The following ZNF366 variants were observed in gnomAD, a reference collection of about 807,000 sequenced individuals.
ZNF366 encodes the protein dendritic cell-specific transcript protein.
ZNF366 carries 20 observed loss-of-function variants against 47.2 expected under a neutral mutation model. That is an observed-to-expected ratio of 0.42 (90% CI 0.30 to 0.62). The LOEUF is 0.62. ZNF366 is among the 20% of genes least tolerant of loss of function. The pLI is 0.16. For missense variants in ZNF366, 987 were observed against 976.3 expected (o/e 1.01, Z -0.15); for synonymous variants, 421 against 395.1 (o/e 1.07, Z -0.78).
In ZNF366 at chr5:72,462,549, T is replaced by TTCTTTCTTTCTTTC. The variant is rs1172924038; in HGVS notation, c.-14-1040_-14-1039insGAAAGAAAGAAAGA. On this transcript the variant is annotated intron_variant, in intron 1 of 4. Coordinates refer to ENST00000318442, the MANE Select transcript of ZNF366 (RefSeq NM_152625.3). ...TTTCTTTCTTTCTTTCTTTCTTTCT[T>TTCTTTCTTTCTTTC]TTTTTTTTTTTTTGGAGATGGAGTC... Among the ~76,000 whole-genome samples, 173 of 138,894 alleles carry TTCTTTCTTTCTTTC rather than the reference T, an allele frequency of 1.2e-3. 2 individuals are homozygous for TTCTTTCTTTCTTTC. Among genetic ancestry groups the TTCTTTCTTTCTTTC allele is most frequent in the African/African-American group, 4.6e-3 (164 of 35,998 alleles). The allele number at this position is 138,894 out of a possible 152,430, so 91.1% of individuals were successfully genotyped here. A position where few individuals can be genotyped will look rare whatever the true frequency, so the allele number is the denominator to read the frequency against.
intron 1 of ZNF366, among the ~76,000 whole-genome samples, chr5:72,470,572 AT>A (rs1486617574): frequency 6.6e-6 from 1 of 152,128 alleles, no homozygotes; most frequent in Non-Finnish European, 1.5e-5. Context: ...TATTTCTAAC[AT>A]AGTTTGGTTA....
chr5:72,455,155 G>A (rs943881608), intron 3 of ZNF366, among the ~76,000 whole-genome samples: 2 of 152,188 alleles, frequency 1.3e-5, no homozygotes, highest in African/African-American at 4.8e-5. Flanking sequence ...TGGGTGGCAG[G>A]AAAAGGGCTG....
intron 1 of ZNF366, among the ~76,000 whole-genome samples, chr5:72,472,861 T>G (rs1418381320): frequency 6.6e-6 from 1 of 152,150 alleles, no homozygotes; most frequent in Non-Finnish European, 1.5e-5. Flanking sequence ...GTCCTATTTG[T>G]ACCACTGTAG....
chr5:72,471,602 G>C (rs1363210120), intron 1 of ZNF366, among the ~76,000 whole-genome samples: 1 of 152,200 alleles, frequency 6.6e-6, no homozygotes, highest in African/African-American at 2.4e-5. Flanking sequence ...ATGGGTGGGT[G>C]CCTCTGCAGC....
intron 1 of ZNF366, among the ~76,000 whole-genome samples, chr5:72,500,730 CA>C (rs1214529533): frequency 6.6e-6 from 1 of 152,158 alleles, no homozygotes. Flanking sequence ...TGCAACAGTC[CA>C]AAACCATAAG....
At chr5:72,489,047 C>T (rs1414084769) in intron 1 of ZNF366, among the ~76,000 whole-genome samples, 1 of 152,132 alleles carries the variant, frequency 6.6e-6, no homozygotes, top group African/African-American at 2.4e-5. Context: ...GCACAAATGA[C>T]ATGTGTCATT....
chr5:72,465,141 T>C (rs2112332270), intron 1 of ZNF366, among the ~76,000 whole-genome samples: 1 of 152,306 alleles, frequency 6.6e-6, no homozygotes, highest in African/African-American at 2.4e-5. Context: ...CCTTTCTGAA[T>C]ACAGATGTTT....
Position 72,460,418 on chromosome 5 carries a change from G to A in ZNF366, c.1079C>T (p.Ala360Val). ...CACACAGATGTTCTCGCGCCCACTG[G>A]CGTGCTTGGCTTCGTGGGCCTTGAG... Reference protein sequence around the residue: ...SELKAHEAKHASGRENICVEC... With the variant: ...SELKAHEAKHVSGRENICVEC... The change falls in exon 2 of 5, where the codon GCC (alanine) becomes GTC (valine). Residue 360 changes from alanine to valine, a missense_variant. Physicochemically the swap from Ala to Val is moderately conservative, Grantham distance 64. This residue lies in a region of ZNF366 where 591 missense variants were observed against 560.9 expected (regional missense o/e 1.05). Transcript: ENST00000318442. The A allele has an allele frequency of 5.0e-6, 8 of 1,614,216 alleles. No individual in the cohort carries two copies. Among genetic ancestry groups the A allele is most frequent in the East Asian group, 2.2e-5 (1 of 44,876 alleles).
chr5:72,492,091 A>G (rs1015674780), intron 1 of ZNF366, among the ~76,000 whole-genome samples: 2 of 152,232 alleles, frequency 1.3e-5, no homozygotes, highest in African/African-American at 4.8e-5. Flanking sequence ...TATGTTAATA[A>G]GGAAGTGTGT....
rs1742979766 is a variant in ZNF366, at chr5:72,447,349, T to C, written c.1593A>G (p.Lys531=). ...TTGGGCAATAGAGGCACTTGAAGGG[T>C]TTGCTGTCTGAGTGCAGGTGCATGT... ...MGHMHLHSDS[K]PFKCLYCPSK... The change falls in exon 4 of 5, where the codon AAA becomes AAG. Residue 531 remains lysine (K), a synonymous_variant. Transcript: ENST00000318442. 6.2e-7 allele frequency: 1 copy of C among 1,614,144 alleles called. No individual in the cohort carries two copies. Among genetic ancestry groups the C allele is most frequent in the Non-Finnish European group, 8.5e-7 (1 of 1,180,036 alleles).
chr5:72,499,374 C>T (rs1431189951), intron 1 of ZNF366, among the ~76,000 whole-genome samples: 1 of 152,094 alleles, frequency 6.6e-6, no homozygotes, highest in African/African-American at 2.4e-5. Flanking sequence ...CTCTGAAAAG[C>T]CAGGTAGGAG....
intron 1 of ZNF366, among the ~76,000 whole-genome samples, chr5:72,467,368 A>G (rs1302091426): frequency 6.6e-6 from 1 of 152,208 alleles, no homozygotes; most frequent in Admixed American, 6.5e-5. Flanking sequence ...AATGAATTTT[A>G]AAACCAAAAC....
chr5:72,479,745 C>A (rs1743754008), intron 1 of ZNF366, among the ~76,000 whole-genome samples: 1 of 152,194 alleles, frequency 6.6e-6, no homozygotes, highest in Non-Finnish European at 1.5e-5. Flanking sequence ...TACACAGGAT[C>A]ATATCTGGCT....
At chr5:72,507,212 C>A in intron 1 of ZNF366, 39 bp downstream of exon 1, 8 of 985,508 alleles carry the variant, frequency 8.1e-6, no homozygotes, top group Non-Finnish European at 9.6e-6. Context: ...ACCCAGGAAC[C>A]TTGAAAAGGA....
At position 72,460,947 on chromosome 5, in the gene ZNF366, G is replaced by A. The variant is rs780928069; in HGVS notation, c.550C>T (p.Leu184Phe). Reference protein sequence around the residue: ...YPYYPKVHPGLMFPFFVPSSS... With the variant: ...YPYYPKVHPGFMFPFFVPSSS... ...GAGGGCACGAAGAAGGGGAACATGA[G>A]GCCCGGGTGGACTTTGGGGTAGTAG... The change falls in exon 2 of 5, where the codon CTC (leucine) becomes TTC (phenylalanine). Residue 184 changes from leucine to phenylalanine, a missense_variant. By Grantham distance (22) the Leu-to-Phe change is conservative. Transcript: ENST00000318442. The A allele has an allele frequency of 1.4e-5, 23 of 1,612,110 alleles. 1 individual carries two copies. Among genetic ancestry groups the A allele is most frequent in the South Asian group, 7.7e-5 (7 of 91,024 alleles).
In ZNF366 at chr5:72,439,959, T is replaced by C. The variant is rs1561185690; in HGVS notation, c.*3797A>G. ...ACAAAATATAGGTTACATGCTCTTT[T>C]CAGGTAAACTGCTTTTTCAGTGAAG... is the stretch of plus-strand genomic sequence containing the variant. On this transcript the variant is annotated 3_prime_UTR_variant, in exon 5 of 5. Transcript: ENST00000318442. 1.3e-5 allele frequency: 2 copies of C among 152,264 alleles called. No individual in the cohort carries two copies. Among genetic ancestry groups the C allele is most frequent in the Non-Finnish European group, 2.9e-5 (2 of 68,048 alleles). The allele number at this position is 152,264 out of a possible 1,614,324, so 9.4% of individuals were successfully genotyped here. A position where few individuals can be genotyped will look rare whatever the true frequency, so the allele number is the denominator to read the frequency against.
Position 72,443,765 on chromosome 5 carries a change from T to G in ZNF366, c.2226A>C (p.Leu742Phe), listed in dbSNP as rs1023334731. The change falls in exon 5 of 5, where the codon TTA becomes TTC. Residue 742 changes from leucine (L) to phenylalanine (F), a missense_variant. By Grantham distance (22) the Leu-to-Phe change is conservative (BLOSUM62 0). Around this residue, in one of 3 missense-constraint regions of ZNF366, gnomAD observed 285 missense variants for 234.8 expected, o/e 1.21. Transcript: ENST00000318442. Reference sequence around the variant, plus strand: ...TTTTAAAACTGTCCACTTAGATACCTAAAAGCACTGCTTGTTTTTCCATTT... The same window carrying G: ...TTTTAAAACTGTCCACTTAGATACCGAAAAGCACTGCTTGTTTTTCCATTT... ...ERKMEKQAVLLGI is the reference protein window; with the variant it reads ...ERKMEKQAVLFGI The G allele has an allele frequency of 2.5e-6, 4 of 1,612,818 alleles. No homozygotes were observed. Among genetic ancestry groups the G allele is most frequent in the African/African-American group, 1.3e-5 (1 of 74,782 alleles).
intron 1 of ZNF366, among the ~76,000 whole-genome samples, chr5:72,464,524 C>T (rs1384271450): frequency 6.6e-6 from 1 of 151,392 alleles, no homozygotes; most frequent in Non-Finnish European, 1.5e-5. Flanking sequence ...CACCATTGTC[C>T]TAGTAAAGCA....
intron 1 of ZNF366, among the ~76,000 whole-genome samples, chr5:72,499,423 C>G (rs1399839918): frequency 6.7e-6 from 1 of 150,196 alleles, no homozygotes; most frequent in Non-Finnish European, 1.5e-5. Flanking sequence ...CCTTTCAGAA[C>G]TTTTCACATA....
Sources: allele counts gnomAD v4.1 joint callset (sites outside exome capture counted in the v4.1 genomes callset), GRCh38; gene constraint gnomAD v4.1.1; regional missense constraint gnomAD v4.1.1; transcripts MANE v1.5; gene names NCBI Gene and HGNC (gene_info 2026-07-23, HGNC 2026-07-21).